The following SELP variants were observed in gnomAD, a reference collection of about 807,000 sequenced individuals.
SELP encodes selectin P.
SELP carries 92 observed loss-of-function variants against 104.1 expected under a neutral mutation model. The observed-to-expected ratio is 0.88, with a 90% confidence interval of 0.75 to 1.05. The LOEUF is 1.05. SELP is among the 50% of genes least tolerant of loss of function. The probability of loss-of-function intolerance (pLI) is 0.00; values close to 1 mark genes in which losing one functional copy is unlikely to be tolerated. For synonymous variants in SELP, 397 were observed against 364.5 expected (o/e 1.09, Z -1.01); for missense variants, 1,022 against 1,017.3 (o/e 1.00, Z -0.06).
At position 169,614,880 on chromosome 1, in the gene SELP, G is replaced by A. The variant is rs1489051676; in HGVS notation, c.482-1187C>T. ...GTTTGGTCCACATCCTATTCACTTC[G>A]CTCCCTGACCTTAACCCCACCAATG... On this transcript the variant is annotated intron_variant, in intron 3 of 16. Coordinates refer to ENST00000263686, the MANE Select transcript of SELP (RefSeq NM_003005.4). 8.5e-5 allele frequency among the ~76,000 whole-genome samples: 13 copies of A among 152,186 alleles called. 3 individuals are homozygous for A. Among genetic ancestry groups the A allele is most frequent in the South Asian group, 4.2e-4 (2 of 4,818 alleles).
At chr1:169,592,768 C>G (rs1310739127) in intron 14 of SELP, among the ~76,000 whole-genome samples, 1 of 152,184 alleles carries the variant, frequency 6.6e-6, no homozygotes, top group Non-Finnish European at 1.5e-5. Context: ...AAAAGCAAAT[C>G]TCTTAGCTTA....
chr1:169,620,025 AC>A (rs1450557970), intron 1 of SELP, among the ~76,000 whole-genome samples: 1 of 152,028 alleles, frequency 6.6e-6, no homozygotes, highest in Non-Finnish European at 1.5e-5. Context: ...ACATAGTGAA[AC>A]CCTGTCTCTA....
chr1:169,611,638 G>T lies in SELP; in HGVS notation c.1001C>A (p.Thr334Asn). ...AGTGAGCGGATGAACACAGTCCATG[G>T]TTCCTTCACTGGGGGCTTCCAGGTG... ...CQHLEAPSEG[T>N]MDCVHPLTAF... Residue 334 changes from threonine to asparagine, a missense_variant, in exon 7 of 17, where the codon ACC (threonine) becomes AAC (asparagine). By Grantham distance (65) the Thr-to-Asn change is moderately conservative. Transcript: ENST00000263686. 6.2e-7 allele frequency: 1 copy of T among 1,614,128 alleles called. No homozygotes were observed.
chr1:169,596,197 A>T, intron 11 of SELP, 63 bp from the exon 12 acceptor site: 1 of 1,457,594 alleles, frequency 6.9e-7, no homozygotes, highest in Middle Eastern at 1.7e-4. Flanking sequence ...AACAGAGTTA[A>T]GGCTAATCTG....
chr1:169,605,416 GTTCATTCATTCATTCA>G (rs3917762), intron 9 of SELP, among the ~76,000 whole-genome samples: 2 of 148,336 alleles, frequency 1.3e-5, no homozygotes, highest in African/African-American at 2.5e-5. Flanking sequence ...TTGTCCATTT[GTTCATTCATTCATTCA>G]TTCATTCATT....
Position 169,619,197 on chromosome 1 carries a change from A to C in SELP, c.26T>G (p.Leu9Trp). 6.2e-7 allele frequency: 1 copy of C among 1,614,080 alleles called. No homozygotes were observed. The highest frequency in any genetic ancestry group is 8.5e-7 in the Non-Finnish European group (1 of 1,179,918). MANCQIAI[L>W]YQRFQRVVFG... ...GACCACTCTCTGGAATCTCTGGTAC[A>C]AGATGGCTATTTGGCAGTTGGCCTG... is the stretch of plus-strand genomic sequence containing the variant. The change falls in exon 2 of 17, where the codon TTG (leucine) becomes TGG (tryptophan). Residue 9 changes from leucine (L) to tryptophan (W), a missense_variant. Leu to Trp is a moderately conservative substitution (Grantham distance 61). Coordinates refer to ENST00000263686, the MANE Select transcript of SELP (RefSeq NM_003005.4).
chr1:169,611,401 G>C (rs548301411), intron 7 of SELP, 91 bp downstream of exon 7: 264 of 1,312,684 alleles, frequency 2.0e-4, no homozygotes, highest in Non-Finnish European at 2.6e-4. Flanking sequence ...GAACTTAGAA[G>C]AGATCACCCC....
chr1:169,603,516 T>C (rs1662029141), intron 9 of SELP, among the ~76,000 whole-genome samples: 1 of 152,196 alleles, frequency 6.6e-6, no homozygotes, highest in Non-Finnish European at 1.5e-5. Flanking sequence ...TAAAGGAAGC[T>C]GGTGCTCTGT....
intron 1 of SELP, among the ~76,000 whole-genome samples, chr1:169,621,037 A>C (rs1386291185): frequency 2.2e-5 from 1 of 45,514 alleles, no homozygotes. Context: ...TTCTGTGTGT[A>C]TGTGTGTGTC....
Position 169,596,134 on chromosome 1 carries a change from C to T in SELP, c.1892G>A (p.Gly631Asp). The T allele has an allele frequency of 6.2e-7, 1 of 1,613,120 alleles. No individual in the cohort carries two copies. The highest frequency in any genetic ancestry group is 8.5e-7 in the Non-Finnish European group (1 of 1,179,400). Residue 631 changes from glycine to aspartate, a missense_variant and splice_region_variant, in exon 12 of 17, where the codon GGC (glycine) becomes GAC (aspartate). Coordinates refer to ENST00000263686, the MANE Select transcript of SELP (RefSeq NM_003005.4). ...CCCTGGAGTAGGAAGTGATGCTATG[C>T]CTGTTGTGAGAAAATGTTTCCATTC... ...RWSATPPTCK[G>D]IASLPTPGVQ...
chr1:169,620,755 C>T (rs1039480613), intron 1 of SELP, among the ~76,000 whole-genome samples: 6 of 145,510 alleles, frequency 4.1e-5, no homozygotes, highest in African/African-American at 1.3e-4. Flanking sequence ...GTGTCATGCC[C>T]CAGTGATGGA....
At chr1:169,626,542 C>T (rs1010535050) in intron 1 of SELP, among the ~76,000 whole-genome samples, 5 of 152,228 alleles carry the variant, frequency 3.3e-5, no homozygotes, top group African/African-American at 1.2e-4. Context: ...GATGGCACTA[C>T]TGCACTCCAG....
intron 3 of SELP, among the ~76,000 whole-genome samples, chr1:169,615,670 T>C (rs1057272825): frequency 5.3e-5 from 8 of 152,214 alleles, no homozygotes; most frequent in African/African-American, 1.9e-4. Context: ...ATGTCCATCC[T>C]GATCCATGAA....
At chr1:169,616,952 TG>T in intron 3 of SELP, 75 bp downstream of exon 3, 2 of 1,351,856 alleles carry the variant, frequency 1.5e-6, no homozygotes, top group South Asian at 2.0e-5. Context: ...GTTGACTCGG[TG>T]GTTATGTTGG....
At chr1:169,603,307 C>CTCTGTGTGTGTGTGTG (rs879181764) in intron 9 of SELP, 96 bp from the exon 10 acceptor site, 52 of 605,680 alleles carry the variant, frequency 8.6e-5, no homozygotes, top group African/African-American at 8.5e-4. Context: ...CTCTCTCTCT[C>CTCTGTGTGTGTGTGTG]TGTGTGTGTG....
At chr1:169,606,896 A>G (rs1323371237) in intron 9 of SELP, 53 bp downstream of exon 9, 3 of 1,539,574 alleles carry the variant, frequency 1.9e-6, no homozygotes, top group East Asian at 2.3e-5. Flanking sequence ...TCCAGCCTTT[A>G]AAAATACTGC....
Position 169,593,242 on chromosome 1 carries a change from A to G in SELP, c.2407+363T>C, listed in dbSNP as rs1362407711. ...GAAGAAATGAGTGAAGTCAGGAAGC[A>G]TAACACCTTTCTAATTAGCTTTAGT... is the stretch of plus-strand genomic sequence containing the variant. On this transcript the variant is annotated intron_variant, in intron 14 of 16. Coordinates refer to ENST00000263686, the MANE Select transcript of SELP (RefSeq NM_003005.4). Among the ~76,000 whole-genome samples, 5 of 152,364 alleles carry G rather than the reference A, an allele frequency of 3.3e-5. No individual in the cohort carries two copies. In the East Asian group the frequency reaches 9.6e-4, roughly 29 times the overall value.
chr1:169,589,804 A>G (rs527755885), intron 16 of SELP, among the ~76,000 whole-genome samples: 125 of 152,330 alleles, frequency 8.2e-4, no homozygotes, highest in African/African-American at 2.1e-3. Context: ...TGACTCCATA[A>G]CAGTTCGTAA....
intron 2 of SELP, 70 bp from the exon 3 acceptor site, chr1:169,617,484 C>G (rs1321094582): frequency 6.1e-6 from 9 of 1,466,284 alleles, no homozygotes; most frequent in Non-Finnish European, 7.5e-6. Flanking sequence ...CCCAAGTATG[C>G]TTCTGCATAC....
Sources: gnomAD v4.1 joint callset for allele counts (sites outside exome capture counted in the v4.1 genomes callset) on GRCh38, gnomAD v4.1.1 for gene constraint, MANE v1.5 for transcripts, NCBI Gene and HGNC (gene_info 2026-07-23, HGNC 2026-07-21) for gene names.